The following MRC1 variants were observed in gnomAD, a reference collection of about 807,000 sequenced individuals.
The protein encoded by MRC1 is macrophage mannose receptor 1.
Under a neutral mutation model 102.9 loss-of-function variants are expected in MRC1, and 62 were observed. The observed-to-expected ratio is 0.60, with a 90% CI of 0.49 to 0.74. The LOEUF (loss-of-function observed/expected upper bound fraction) is 0.74. Among genes scored for constraint, MRC1 ranks in the 30% least tolerant of loss-of-function variants. The pLI, the probability that MRC1 is intolerant of heterozygous loss-of-function variation, is 0.00. For synonymous variants in MRC1, 457 were observed against 298.4 expected (o/e 1.53, Z -5.48); for missense variants, 1,237 against 862.8 (o/e 1.43, Z -5.43).
chr10:17,840,555 A>C (rs1328086070), intron 4 of MRC1, 138 bp from the exon 5 acceptor site: 1 of 673,152 alleles, frequency 1.5e-6, no homozygotes, highest in Non-Finnish European at 2.7e-6. Flanking sequence ...AGGAGAATCA[A>C]AGGAGACATG....
intron 12 of MRC1, among the ~76,000 whole-genome samples, chr10:17,867,306 C>T (rs919035250): frequency 0.015 from 2,049 of 137,398 alleles, 55 homozygotes; most frequent in African/African-American, 0.05. Flanking sequence ...TTCCTTCTTC[C>T]TTCTTCCTCC....
chr10:17,842,179 T>C (rs1359833474), intron 5 of MRC1, among the ~76,000 whole-genome samples: 1 of 152,174 alleles, frequency 6.6e-6, no homozygotes, highest in African/African-American at 2.4e-5. Context: ...GCCAGGCCAG[T>C]CTCGAACTTC....
rs958832078 is a variant in MRC1 at position 17,828,261 on chromosome 10, A to G, written c.637+546A>G. ...CTGGCTAATTTTTTGTATTTTTAGT[A>G]GAGACGGGGTTTCACTGTGTTAGCC... On this transcript the variant is annotated intron_variant, in intron 3 of 29. Coordinates refer to ENST00000569591, the MANE Select transcript of MRC1 (RefSeq NM_002438.4). Among the ~76,000 whole-genome samples the G allele has an allele frequency of 4.6e-5, 7 of 151,418 alleles. No homozygotes were observed. The South Asian group carries it at 1.5e-3, about 31-fold the overall frequency.
intron 12 of MRC1, among the ~76,000 whole-genome samples, chr10:17,867,848 C>G (rs1833298690): frequency 2.0e-5 from 3 of 152,174 alleles, no homozygotes; most frequent in Non-Finnish European, 4.4e-5. Context: ...AGTAATGCCA[C>G]ATAAGTATTC....
At chr10:17,908,924 G>A (rs1330833926) in intron 28 of MRC1, among the ~76,000 whole-genome samples, 2 of 152,154 alleles carry the variant, frequency 1.3e-5, no homozygotes, top group African/African-American at 2.4e-5. Flanking sequence ...GGCTTCAGCA[G>A]GCTAATTTCA....
chr10:17,893,908 G>C (rs2130708919), intron 22 of MRC1, among the ~76,000 whole-genome samples: 1 of 152,200 alleles, frequency 6.6e-6, no homozygotes, highest in Admixed American at 6.5e-5. Context: ...TAGTTTCTTT[G>C]ATTTCTAAGT....
At chr10:17,859,467 G>T (rs1226527885) in intron 9 of MRC1, among the ~76,000 whole-genome samples, 2 of 152,082 alleles carry the variant, frequency 1.3e-5, no homozygotes, top group Non-Finnish European at 2.9e-5. Context: ...ACAGGTGCCT[G>T]CCGTCACGCC....
rs1833958522 is a variant in MRC1 at position 17,910,787 on chromosome 10, G to A, written c.*322G>A. ...TTTTAAGCACTCTAGAAACAATGAAGCTTCTTGGCATATTTTAAGGAGCTC... is the reference window on the plus strand; with the variant it reads ...TTTTAAGCACTCTAGAAACAATGAAACTTCTTGGCATATTTTAAGGAGCTC... On this transcript the variant is annotated 3_prime_UTR_variant, in exon 30 of 30. Coordinates refer to ENST00000569591, the MANE Select transcript of MRC1 (RefSeq NM_002438.4). 3.2e-6 allele frequency: 1 copy of A among 315,964 alleles called. No individual in the cohort carries two copies. The highest frequency in any genetic ancestry group is 7.3e-5 in the East Asian group (1 of 13,646). 19.6% of individuals were successfully genotyped at this position (315,964 alleles called of 1,614,324 possible). A position where few individuals can be genotyped will look rare whatever the true frequency, so the allele number is the denominator to read the frequency against.
intron 6 of MRC1, among the ~76,000 whole-genome samples, chr10:17,849,195 A>AAG (rs1838874166): frequency 6.6e-6 from 1 of 151,702 alleles, no homozygotes; most frequent in African/African-American, 2.4e-5. Context: ...GCAGCTACTT[A>AAG]GGAGGCTGAG....
chr10:17,841,037 C>T (rs1164994906), intron 5 of MRC1, among the ~76,000 whole-genome samples: 1 of 152,202 alleles, frequency 6.6e-6, no homozygotes, highest in Non-Finnish European at 1.5e-5. Flanking sequence ...TCACACAAAA[C>T]AATAAAGGTC....
chr10:17,851,612 G>C (rs1427106518), intron 7 of MRC1, among the ~76,000 whole-genome samples: 1 of 152,220 alleles, frequency 6.6e-6, no homozygotes, highest in Non-Finnish European at 1.5e-5. Context: ...AATTTAGTGA[G>C]AAATATGTAT....
At chr10:17,890,027 ATGTT>A (rs1218065002) in intron 22 of MRC1, among the ~76,000 whole-genome samples, 4 of 152,082 alleles carry the variant, frequency 2.6e-5, no homozygotes, top group East Asian at 1.9e-4. Context: ...AATTTTCTCA[ATGTT>A]TGTTTGTCTG....
chr10:17,896,919 C>G (rs1004145357), intron 23 of MRC1, among the ~76,000 whole-genome samples: 15 of 152,120 alleles, frequency 9.9e-5, no homozygotes, highest in Non-Finnish European at 1.9e-4. Flanking sequence ...TATCTCGATC[C>G]CTAGACCAGA....
At chr10:17,884,582 A>T (rs1833563902) in intron 21 of MRC1, among the ~76,000 whole-genome samples, 1 of 152,236 alleles carries the variant, frequency 6.6e-6, no homozygotes, top group African/African-American at 2.4e-5. Flanking sequence ...GTCCTTCTTC[A>T]CATGGTGGCA....
chr10:17,822,109 A>C (rs897450383), intron 1 of MRC1, among the ~76,000 whole-genome samples: 3 of 152,216 alleles, frequency 2.0e-5, no homozygotes. Context: ...CCGTTTTGCC[A>C]GCTAGCAGCT....
intron 18 of MRC1, among the ~76,000 whole-genome samples, chr10:17,879,242 G>T (rs994515625): frequency 6.7e-4 from 102 of 152,312 alleles, no homozygotes; most frequent in African/African-American, 2.4e-3. Flanking sequence ...TGCTACTGCG[G>T]AGCATGATGC....
chr10:17,896,595 AC>A, intron 23 of MRC1, among the ~76,000 whole-genome samples: 1 of 152,340 alleles, frequency 6.6e-6, no homozygotes, highest in Middle Eastern at 3.4e-3. Flanking sequence ...GGAAAGATTC[AC>A]AGTATTAAAG....
chr10:17,903,392 CTTTTTTT>C (rs35118275), intron 26 of MRC1, among the ~76,000 whole-genome samples: 2 of 88,860 alleles, frequency 2.3e-5, no homozygotes, highest in African/African-American at 4.4e-5. Context: ...CTTTTTTTTT[CTTTTTTT>C]TTTTTTTTTT....
At chr10:17,856,457 G>T (rs1833094658) in intron 9 of MRC1, 105 bp downstream of exon 9, 3 of 731,236 alleles carry the variant, frequency 4.1e-6, no homozygotes, top group Middle Eastern at 2.7e-4. Flanking sequence ...GTAGCCAAGG[G>T]TTTCTGCTGT....
Sources: gnomAD v4.1 joint callset for allele counts (sites outside exome capture counted in the v4.1 genomes callset) on GRCh38, gnomAD v4.1.1 for gene constraint, MANE v1.5 for transcripts, NCBI Gene and HGNC (gene_info 2026-07-23, HGNC 2026-07-21) for gene names.